The following FHOD3 variants were observed in gnomAD, a reference collection of about 807,000 sequenced individuals.
FHOD3 encodes formin homology 2 domain containing 3, also known as FH1/FH2 domain-containing protein 3.
In FHOD3, 90 loss-of-function variants were observed where a neutral mutation model predicts 173.0. The observed-to-expected ratio is 0.52, with a 90% confidence interval of 0.44 to 0.62. The LOEUF is 0.62. Among genes scored for constraint, FHOD3 ranks in the 20% least tolerant of loss-of-function variants. The probability of loss-of-function intolerance (pLI) is 0.00; values close to 1 mark genes in which losing one functional copy is unlikely to be tolerated. For missense variants in FHOD3, 1,945 were observed against 2,034.7 expected, an observed-to-expected ratio of 0.96 and a Z score of 0.85; for synonymous variants, 828 against 823.0, an observed-to-expected ratio of 1.01 and a Z score of -0.10.
chr18:36,625,733 C>G lies in FHOD3; in HGVS notation c.1180C>G (p.Arg394Gly), dbSNP rs376015995. ...SAPSFKPNQVRDLREKEEEEE... is the reference protein window; with the variant it reads ...SAPSFKPNQVGDLREKEEEEE... ...TCCCAGCTTCAAGCCCAACCAAGTG[C>G]GAGATCTGCGTGAAAAGTAAGCATT... The change falls in exon 10 of 29, where the codon CGA becomes GGA. Residue 394 changes from arginine to glycine, a missense_variant. By Grantham distance (125) the Arg-to-Gly change is moderately radical. Around this residue, in one of 5 missense-constraint regions of FHOD3, gnomAD observed 1,099 missense variants for 1,051.2 expected, o/e 1.05. Transcript: ENST00000590592. 1.1e-5 allele frequency: 18 copies of G among 1,607,632 alleles called. No individual in the cohort carries two copies. The African/African-American group carries it at 1.5e-4, about 13-fold the overall frequency.
At chr18:36,585,103 A>G (rs763634092) in intron 6 of FHOD3, among the ~76,000 whole-genome samples, 23 of 152,352 alleles carry the variant, frequency 1.5e-4, no homozygotes, top group East Asian at 9.6e-4. Context: ...TGAATGTACT[A>G]TTATTCATTC....
At chr18:36,335,815 T>C (rs554739066) in intron 1 of FHOD3, among the ~76,000 whole-genome samples, 179 of 152,256 alleles carry the variant, frequency 1.2e-3, no homozygotes, top group African/African-American at 4.0e-3. Context: ...GTGCCTCTGT[T>C]GCTAGACAGG....
At chr18:36,329,130 A>G (rs1156375369) in intron 1 of FHOD3, among the ~76,000 whole-genome samples, 1 of 152,018 alleles carries the variant, frequency 6.6e-6, no homozygotes, top group African/African-American at 2.4e-5. Flanking sequence ...TTACCTAAAA[A>G]CCACTTCCGT....
intron 1 of FHOD3, among the ~76,000 whole-genome samples, chr18:36,344,094 A>G (rs572510061): frequency 7.4e-4 from 113 of 152,306 alleles, no homozygotes; most frequent in Non-Finnish European, 1.3e-3. Flanking sequence ...AAATTATCTC[A>G]ATAAAGCTGT....
chr18:36,343,945 G>A (rs1037380089), intron 1 of FHOD3, among the ~76,000 whole-genome samples: 1 of 152,216 alleles, frequency 6.6e-6, no homozygotes, highest in Non-Finnish European at 1.5e-5. Flanking sequence ...GCAATGAGGA[G>A]TGACTGCTAA....
At chr18:36,723,154 C>G in intron 19 of FHOD3, among the ~76,000 whole-genome samples, 1 of 152,174 alleles carries the variant, frequency 6.6e-6, no homozygotes, top group African/African-American at 2.4e-5. Flanking sequence ...TCCTGGGTCT[C>G]TGGATTAGGA....
At chr18:36,769,112 C>G (rs1311276091) in intron 27 of FHOD3, among the ~76,000 whole-genome samples, 153 bp from the exon 28 acceptor site, 1 of 152,158 alleles carries the variant, frequency 6.6e-6, no homozygotes, top group Non-Finnish European at 1.5e-5. Context: ...ACAGGTTAGC[C>G]CTCTGGATCT....
At chr18:36,337,521 T>TC (rs1386158499) in intron 1 of FHOD3, among the ~76,000 whole-genome samples, 1 of 152,218 alleles carries the variant, frequency 6.6e-6, no homozygotes, top group East Asian at 1.9e-4. Context: ...ACTTTTGCTG[T>TC]CCCCTGCATG....
At chr18:36,532,759 C>G (rs1202672272) in intron 5 of FHOD3, among the ~76,000 whole-genome samples, 2 of 152,222 alleles carry the variant, frequency 1.3e-5, no homozygotes, top group Non-Finnish European at 2.9e-5. Context: ...ACCCTCTAAC[C>G]TCAACCGCAG....
At chr18:36,516,527 G>A (rs2055988893) in intron 5 of FHOD3, among the ~76,000 whole-genome samples, 1 of 152,146 alleles carries the variant, frequency 6.6e-6, no homozygotes, top group South Asian at 2.1e-4. Context: ...AGAAGGTTGG[G>A]GTGTAGACTT....
intron 24 of FHOD3, among the ~76,000 whole-genome samples, chr18:36,754,909 C>G (rs1488171497): frequency 6.6e-6 from 1 of 151,170 alleles, no homozygotes; most frequent in Non-Finnish European, 1.5e-5. Context: ...TGAGAAGACT[C>G]TTGAAATTCA....
intron 3 of FHOD3, among the ~76,000 whole-genome samples, chr18:36,376,305 C>G (rs1428948415): frequency 1.3e-5 from 2 of 152,154 alleles, no homozygotes; most frequent in Admixed American, 1.3e-4. Flanking sequence ...CTAAAAACCC[C>G]TGGGCTTCAA....
intron 3 of FHOD3, among the ~76,000 whole-genome samples, chr18:36,456,004 C>T (rs977461733): frequency 3.3e-5 from 5 of 152,086 alleles, no homozygotes; most frequent in Non-Finnish European, 5.9e-5. Flanking sequence ...ATGTGCACCC[C>T]GAGTTGTGCA....
At chr18:36,606,562 A>C (rs1446507279) in intron 8 of FHOD3, among the ~76,000 whole-genome samples, 1 of 152,114 alleles carries the variant, frequency 6.6e-6, no homozygotes, top group East Asian at 1.9e-4. Flanking sequence ...CTGTCCCCAA[A>C]ATTCATGTCC....
At chr18:36,399,728 G>C (rs149800488) in intron 3 of FHOD3, among the ~76,000 whole-genome samples, 1 of 152,172 alleles carries the variant, frequency 6.6e-6, no homozygotes, top group Non-Finnish European at 1.5e-5. Context: ...GCTGCAGAAG[G>C]CTCATTTGGT....
intron 5 of FHOD3, among the ~76,000 whole-genome samples, chr18:36,519,880 A>G (rs1217865652): frequency 6.6e-6 from 1 of 151,596 alleles, no homozygotes; most frequent in Admixed American, 6.6e-5. Context: ...CTCTCTTCCA[A>G]GGTATTTTTT....
At chr18:36,323,240 A>T (rs1367654456) in intron 1 of FHOD3, among the ~76,000 whole-genome samples, 1 of 152,134 alleles carries the variant, frequency 6.6e-6, no homozygotes, top group Non-Finnish European at 1.5e-5. Context: ...GAAGTTGGGA[A>T]CTCAAAGGCC....
intron 2 of FHOD3, among the ~76,000 whole-genome samples, chr18:36,366,846 T>C (rs778546168): frequency 6.6e-6 from 1 of 152,226 alleles, no homozygotes; most frequent in Non-Finnish European, 1.5e-5. Context: ...CCCTTGTCCC[T>C]ACTTTTGCCA....
intron 14 of FHOD3, among the ~76,000 whole-genome samples, chr18:36,664,781 A>T (rs1047784323): frequency 3.6e-5 from 5 of 137,046 alleles, no homozygotes; most frequent in South Asian, 4.5e-4. Context: ...TGTATGTGAG[A>T]GAGAGAGAGA....
Sources: allele counts gnomAD v4.1 joint callset (sites outside exome capture counted in the v4.1 genomes callset), GRCh38; gene constraint gnomAD v4.1.1; regional missense constraint gnomAD v4.1.1; transcripts MANE v1.5; gene names NCBI Gene and HGNC (gene_info 2026-07-23, HGNC 2026-07-21).